The following KIAA1549 variants were observed in gnomAD, a reference collection of about 807,000 sequenced individuals.
KIAA1549 encodes KIAA1549.
In KIAA1549, 70 loss-of-function variants were observed where a neutral mutation model predicts 156.4. That is an observed-to-expected ratio of 0.45 (90% CI 0.37 to 0.55). The LOEUF is 0.55. KIAA1549 is among the 20% of genes least tolerant of loss of function. The probability of loss-of-function intolerance (pLI) is 0.00; values close to 1 mark genes in which losing one functional copy is unlikely to be tolerated. For synonymous variants in KIAA1549, 1,103 were observed against 1,066.4 expected, an observed-to-expected ratio of 1.03 and a Z score of -0.67; for missense variants, 2,428 against 2,540.9, an observed-to-expected ratio of 0.96 and a Z score of 0.96.
At chr7:138,936,526 T>C (rs1813014808) in intron 1 of KIAA1549, among the ~76,000 whole-genome samples, 1 of 152,202 alleles carries the variant, frequency 6.6e-6, no homozygotes, top group South Asian at 2.1e-4. Flanking sequence ...TCTGAGTCCA[T>C]GGACATTGCC....
rs934978897 is a variant in KIAA1549 at position 138,879,586 on chromosome 7, T to A, written c.4297A>T (p.Thr1433Ser). Residue 1433 changes from threonine to serine, a missense_variant, in exon 12 of 20, where the codon ACG (threonine) becomes TCG (serine). Around this residue, in one of 5 missense-constraint regions of KIAA1549, gnomAD observed 404 missense variants for 417.0 expected, o/e 0.97. Coordinates refer to ENST00000422774, the MANE Select transcript of KIAA1549 (RefSeq NM_001164665.2). ...ESSERDAGDK[T>S]PGAVNDGRSH... is the part of the protein sequence containing the mutation. ...CTGCCATCGTTGACGGCTCCCGGCG[T>A]CTTATCTCCTGCGTCCCTCTCGCTG... 2.5e-6 allele frequency: 4 copies of A among 1,569,512 alleles called. No homozygotes were observed. The highest frequency in any genetic ancestry group is 3.5e-6 in the Non-Finnish European group (4 of 1,157,128).
At chr7:138,960,205 G>A (rs2774975) in intron 1 of KIAA1549, among the ~76,000 whole-genome samples, 44,504 of 151,818 alleles carry the variant, frequency 0.29, 7,718 homozygotes, top group African/African-American at 0.5. Context: ...GGAGGCTGAG[G>A]CAGGAGGATC....
intron 15 of KIAA1549, among the ~76,000 whole-genome samples, chr7:138,866,479 C>T (rs995132877): frequency 6.6e-6 from 1 of 152,182 alleles, no homozygotes; most frequent in Non-Finnish European, 1.5e-5. Context: ...AAAGGCTGTG[C>T]TTTTTGCTAA....
At chr7:138,851,596 T>C (rs540529522) in intron 17 of KIAA1549, among the ~76,000 whole-genome samples, 2 of 152,134 alleles carry the variant, frequency 1.3e-5, no homozygotes, top group Admixed American at 1.3e-4. Flanking sequence ...GGGGGGCTAC[T>C]GTAGCAATAA....
At chr7:138,899,247 G>T in intron 8 of KIAA1549, 115 bp from the exon 9 acceptor site, 1 of 917,836 alleles carries the variant, frequency 1.1e-6, no homozygotes, top group Non-Finnish European at 1.7e-6. Context: ...CTCATAATAA[G>T]CTCCGTAAGC....
rs953505104 is a variant in KIAA1549, at chr7:138,980,802, A to G, written c.187+281T>C. Among the ~76,000 whole-genome samples, 19 of 152,366 alleles carry G rather than the reference A, an allele frequency of 1.2e-4. No individual in the cohort carries two copies. The East Asian group carries it at 3.3e-3, about 26-fold the overall frequency. On this transcript the variant is annotated intron_variant, in intron 1 of 19. Coordinates refer to ENST00000422774, the MANE Select transcript of KIAA1549 (RefSeq NM_001164665.2). The stretch of plus-strand genomic sequence containing the variant: ...GAAAAACCAGGCACATTCTGAGATG[A>G]AGCCACCAGACCCGCTTCGGGTTCC...
intron 18 of KIAA1549, among the ~76,000 whole-genome samples, chr7:138,840,543 T>C (rs1212501309): frequency 6.6e-6 from 1 of 151,840 alleles, no homozygotes; most frequent in Non-Finnish European, 1.5e-5. Context: ...GCAATAAAAA[T>C]AAACAAATAA....
At chr7:138,950,898 C>T (rs1813476872) in intron 1 of KIAA1549, among the ~76,000 whole-genome samples, 1 of 152,104 alleles carries the variant, frequency 6.6e-6, no homozygotes, top group African/African-American at 2.4e-5. Context: ...GACGCTCTCT[C>T]TACCCTGCTG....
intron 16 of KIAA1549, among the ~76,000 whole-genome samples, chr7:138,855,008 C>T (rs1810343888): frequency 6.6e-6 from 1 of 152,138 alleles, no homozygotes; most frequent in Non-Finnish European, 1.5e-5. Flanking sequence ...AAGATTCTGG[C>T]AGCACGATGT....
At chr7:138,881,660 C>A in intron 10 of KIAA1549, 76 bp from the exon 11 acceptor site, 2 of 1,286,372 alleles carry the variant, frequency 1.6e-6, no homozygotes, top group East Asian at 2.4e-5. Flanking sequence ...ACTTCTGACC[C>A]AAGACTGTGC....
intron 1 of KIAA1549, among the ~76,000 whole-genome samples, chr7:138,957,284 G>C (rs1409694004): frequency 6.6e-6 from 1 of 152,170 alleles, no homozygotes; most frequent in Non-Finnish European, 1.5e-5. Flanking sequence ...CAGAGACACT[G>C]CCATGTGAGG....
chr7:138,961,774 C>T (rs1813856727), intron 1 of KIAA1549, among the ~76,000 whole-genome samples: 1 of 144,330 alleles, frequency 6.9e-6, no homozygotes, highest in South Asian at 2.2e-4. Context: ...CTCAGGGGTT[C>T]AAGGCTGCTG....
In KIAA1549 at chr7:138,881,792, C is replaced by T. The variant is rs115194969; in HGVS notation, c.4033-208G>A. On this transcript the variant is annotated intron_variant, in intron 10 of 19. Transcript: ENST00000422774. ...TTGTGAAAGATTAAACAAGAGTACA[C>T]GGATTAAATAGCTAGACCCTAGGAC... Among the ~76,000 whole-genome samples the T allele has an allele frequency of 3.2e-3, 486 of 152,296 alleles. 4 individuals are homozygous for T. Among genetic ancestry groups the T allele is most frequent in the African/African-American group, 0.011 (466 of 41,550 alleles).
intron 13 of KIAA1549, among the ~76,000 whole-genome samples, chr7:138,870,663 C>A (rs1422575414): frequency 6.6e-6 from 1 of 152,180 alleles, no homozygotes; most frequent in Admixed American, 6.5e-5. Context: ...TCTGCCAATG[C>A]GCCCCAGAGT....
chr7:138,840,306 G>A, intron 18 of KIAA1549, 28 bp from the exon 19 acceptor site: 1 of 1,592,692 alleles, frequency 6.3e-7, no homozygotes, highest in Non-Finnish European at 8.5e-7. Context: ...GAGTGGCCTG[G>A]TCAACATTTA....
chr7:138,907,767 C>T (rs1257653790), intron 5 of KIAA1549, among the ~76,000 whole-genome samples: 1 of 152,192 alleles, frequency 6.6e-6, no homozygotes, highest in African/African-American at 2.4e-5. Context: ...AAACAAACTC[C>T]TGCCTAAGAG....
rs1025749270 is a variant in KIAA1549 at position 138,981,111 on chromosome 7, C to CAGCAGCAGCCAGAGGCCAGGA, written c.138_158dup (p.Pro47_Leu53dup). On this transcript the variant is annotated inframe_insertion, in exon 1 of 20. Coordinates refer to ENST00000422774, the MANE Select transcript of KIAA1549 (RefSeq NM_001164665.2). The surrounding 1 kb of genome is among the most constrained non-coding windows in gnomAD (Gnocchi z 4.5). ...GGGCGCACGAGGCCGGCCGGGCCAG[C>CAGCAGCAGCCAGAGGCCAGGA]AGCAGCAGCCAGAGGCCAGGAAGCA... is the stretch of plus-strand genomic sequence containing the variant. 1 of 1,223,604 alleles carries CAGCAGCAGCCAGAGGCCAGGA rather than the reference C, an allele frequency of 8.2e-7. No individual in the cohort carries two copies. Among genetic ancestry groups the CAGCAGCAGCCAGAGGCCAGGA allele is most frequent in the Non-Finnish European group, 1.0e-6 (1 of 982,574 alleles). The allele number at this position is 1,223,604 out of a possible 1,614,324, so 75.8% of individuals were successfully genotyped here.
intron 18 of KIAA1549, among the ~76,000 whole-genome samples, chr7:138,844,005 T>C (rs1242565683): frequency 6.6e-6 from 1 of 152,236 alleles, no homozygotes; most frequent in Non-Finnish European, 1.5e-5. Flanking sequence ...CTAACTCTTG[T>C]TTTCATGCCA....
rs992966962 is a variant in KIAA1549 at position 138,833,834 on chromosome 7, T to G, written c.*4072A>C. The G allele has an allele frequency of 4.3e-6, 1 of 233,240 alleles. No individual in the cohort carries two copies. Among genetic ancestry groups the G allele is most frequent in the African/African-American group, 2.2e-5 (1 of 45,356 alleles). 14.4% of individuals were successfully genotyped at this position (233,240 alleles called of 1,614,324 possible). A position where few individuals can be genotyped will look rare whatever the true frequency, so the allele number is the denominator to read the frequency against. On this transcript the variant is annotated 3_prime_UTR_variant, in exon 20 of 20. Transcript: ENST00000422774. ...CACACTGGAGTACTTCCTCTGTAGA[T>G]CTTCACAGCCCTGGTCGTTTCCTTG...
Sources: allele counts gnomAD v4.1 joint callset (sites outside exome capture counted in the v4.1 genomes callset), GRCh38; gene constraint gnomAD v4.1.1; regional missense constraint gnomAD v4.1.1; non-coding constraint Gnocchi (gnomAD v3.1); transcripts MANE v1.5; gene names NCBI Gene and HGNC (gene_info 2026-07-23, HGNC 2026-07-21).